PDCD6: variants seen among roughly 807,000 people sequenced by gnomAD.
The protein encoded by PDCD6 is programmed cell death protein 6.
A neutral mutation model predicts 28.3 loss-of-function variants in PDCD6; 12 were observed. That is an observed-to-expected ratio of 0.42 (90% CI 0.27 to 0.69). The LOEUF (loss-of-function observed/expected upper bound fraction) is 0.69, where lower values mean the gene tolerates loss of function less well. PDCD6 is among the 30% of genes least tolerant of loss of function. The pLI is 0.22. For missense variants in PDCD6, 226 were observed against 269.9 expected, an observed-to-expected ratio of 0.84 and a Z score of 1.14; for synonymous variants, 92 against 108.0, an observed-to-expected ratio of 0.85 and a Z score of 0.92.
rs1233702405 is a variant in PDCD6 at position 314,460 on chromosome 5, G to C, written c.521G>C (p.Gly174Ala). The C allele has an allele frequency of 2.5e-6, 4 of 1,613,762 alleles. No homozygotes were observed. In the African/African-American group the frequency reaches 4.0e-5, roughly 16 times the overall value. The change falls in exon 6 of 6, where the codon GGC (glycine) becomes GCC (alanine). Residue 174 changes from glycine to alanine, a missense_variant. Physicochemically the swap from Gly to Ala is moderately conservative, Grantham distance 60 (BLOSUM62 0). Coordinates refer to ENST00000264933, the MANE Select transcript of PDCD6 (RefSeq NM_013232.4). ...AGACGTTACGACACGGATCAGGACG[G>C]CTGGATTCAGGTGTCGTACGAACAG... ...IFRRYDTDQD[G>A]WIQVSYEQYL...
chr5:302,132 T>C (rs1397420207), intron 2 of PDCD6, among the ~76,000 whole-genome samples: 2 of 129,610 alleles, frequency 1.5e-5, no homozygotes, highest in Non-Finnish European at 3.3e-5. Context: ...TGCACCTGCC[T>C]TTGTGGGAAT....
At position 314,266 on chromosome 5, in the gene PDCD6, C is replaced by G. The variant is rs575752760; in HGVS notation, c.478-151C>G. The stretch of plus-strand genomic sequence containing the variant: ...ACTCCCACCGTCCGTGTGAACAGCT[C>G]CAGCCCCACCTGCGCCTCCCTGTGC... On this transcript the variant is annotated intron_variant, in intron 5 of 5. Coordinates refer to ENST00000264933, the MANE Select transcript of PDCD6 (RefSeq NM_013232.4). 39 of 612,746 alleles carry G rather than the reference C, an allele frequency of 6.4e-5. 1 individual carries two copies. The South Asian group carries it at 6.8e-4, about 11-fold the overall frequency. The allele number at this position is 612,746 out of a possible 1,614,324, so 38.0% of individuals were successfully genotyped here.
At chr5:306,315 C>T (rs930160579) in intron 3 of PDCD6, 13 of 351,088 alleles carry the variant, frequency 3.7e-5, no homozygotes, top group Non-Finnish European at 7.1e-5. Flanking sequence ...GCTGGATTTC[C>T]TCACACATCC....
chr5:298,656 A>ACTCAGCTGCTCCCC (rs1739772708), intron 2 of PDCD6, among the ~76,000 whole-genome samples: 2 of 16,514 alleles, frequency 1.2e-4, no homozygotes, highest in Admixed American at 8.9e-4. Flanking sequence ...AGCTGCTCCC[A>ACTCAGCTGCTCCCC]CTCAGCTGCT....
chr5:314,109 G>A (rs909908565), intron 5 of PDCD6, among the ~76,000 whole-genome samples: 2 of 152,226 alleles, frequency 1.3e-5, no homozygotes, highest in African/African-American at 2.4e-5. Flanking sequence ...CGGTCTTCAG[G>A]GGGAGAAGGA....
intron 2 of PDCD6, among the ~76,000 whole-genome samples, chr5:285,965 C>T (rs527979384): frequency 1.2e-4 from 18 of 145,912 alleles, no homozygotes; most frequent in Admixed American, 2.0e-4. Flanking sequence ...GCTGATGTTC[C>T]AGTTTGAGGG....
chr5:277,724 G>T (rs1266654099), intron 2 of PDCD6, among the ~76,000 whole-genome samples: 1 of 151,956 alleles, frequency 6.6e-6, no homozygotes, highest in African/African-American at 2.4e-5. Context: ...GTGAGCCAGG[G>T]GGCCAACATG....
intron 4 of PDCD6, 128 bp from the exon 5 acceptor site, chr5:311,165 A>C (rs1740888459): frequency 4.2e-6 from 3 of 714,572 alleles, no homozygotes; most frequent in Non-Finnish European, 7.5e-6. Context: ...GGGAATTTGC[A>C]CTTCCGTTCC....
chr5:272,552 G>A (rs1002839066), intron 1 of PDCD6, among the ~76,000 whole-genome samples, 159 bp from the exon 2 acceptor site: 2 of 144,780 alleles, frequency 1.4e-5, no homozygotes, highest in Admixed American at 6.8e-5. Flanking sequence ...TCGGCTCCTG[G>A]GGCACTTCCT....
intron 2 of PDCD6, among the ~76,000 whole-genome samples, chr5:280,611 AG>A (rs1489146132): frequency 2.8e-5 from 4 of 143,082 alleles, no homozygotes; most frequent in African/African-American, 8.0e-5. Context: ...TGGAGACCAC[AG>A]GCCAGGGCAG....
intron 2 of PDCD6, among the ~76,000 whole-genome samples, chr5:286,674 G>T (rs1374184321): frequency 6.7e-6 from 1 of 148,722 alleles, no homozygotes; most frequent in Non-Finnish European, 1.5e-5. Flanking sequence ...TGATGTTCCC[G>T]TTGGAGAGCC....
intron 2 of PDCD6, among the ~76,000 whole-genome samples, chr5:301,540 T>C (rs577898076): frequency 1.3e-5 from 2 of 152,388 alleles, no homozygotes; most frequent in Admixed American, 1.3e-4. Flanking sequence ...TACAGAAAGG[T>C]AATCCTGCAG....
rs1309266854 is a variant in PDCD6 at position 314,953 on chromosome 5, A to G, written c.*438A>G. ...TTCATTGGAATATGTGACGTAAGCA[A>G]TAAAGGGAATGTTAGACGTGTGGTC... On this transcript the variant is annotated 3_prime_UTR_variant, in exon 6 of 6. Transcript: ENST00000264933. 1 of 301,110 alleles carries G rather than the reference A, an allele frequency of 3.3e-6. No individual in the cohort carries two copies. The highest frequency in any genetic ancestry group is 3.0e-5 in the South Asian group (1 of 33,578). The allele number at this position is 301,110 out of a possible 1,614,324, so 18.7% of individuals were successfully genotyped here.
At chr5:300,207 G>C (rs1430243315) in intron 2 of PDCD6, among the ~76,000 whole-genome samples, 1 of 152,206 alleles carries the variant, frequency 6.6e-6, no homozygotes, top group Non-Finnish European at 1.5e-5. Context: ...TACTTTGCCT[G>C]GGTAGTTGAC....
At chr5:291,079 C>T (rs1739284636) in intron 2 of PDCD6, among the ~76,000 whole-genome samples, 1 of 152,180 alleles carries the variant, frequency 6.6e-6, no homozygotes, top group East Asian at 1.9e-4. Flanking sequence ...CCTGGAGGCC[C>T]TGCCTGAGTC....
At chr5:306,814 C>G in intron 4 of PDCD6, 54 bp downstream of exon 4, 1 of 1,556,448 alleles carries the variant, frequency 6.4e-7, no homozygotes, top group Non-Finnish European at 8.9e-7. Flanking sequence ...ACCTTGGAGC[C>G]GTTGAAGTTC....
At chr5:285,695 G>A (rs1315770183) in intron 2 of PDCD6, among the ~76,000 whole-genome samples, 3 of 152,168 alleles carry the variant, frequency 2.0e-5, no homozygotes, top group African/African-American at 4.8e-5. Flanking sequence ...CCGTGCAGCT[G>A]GCGACCCGGG....
At chr5:288,547 T>G (rs1298022055) in intron 2 of PDCD6, among the ~76,000 whole-genome samples, 1 of 151,270 alleles carries the variant, frequency 6.6e-6, no homozygotes, top group African/African-American at 2.4e-5. Flanking sequence ...GTTTAAAAAC[T>G]TTAATCCTAA....
intron 3 of PDCD6, chr5:306,331 C>A: frequency 2.5e-6 from 1 of 402,634 alleles, no homozygotes; most frequent in East Asian, 4.2e-5. Flanking sequence ...CATCCCATTG[C>A]ACGGCCTGCC....
Sources: gnomAD v4.1 joint callset for allele counts (sites outside exome capture counted in the v4.1 genomes callset) on GRCh38, gnomAD v4.1.1 for gene constraint, MANE v1.5 for transcripts, NCBI Gene and HGNC (gene_info 2026-07-23, HGNC 2026-07-21) for gene names.